ECE1: variants seen among roughly 807,000 people sequenced by gnomAD.
The protein encoded by ECE1 is endothelin converting enzyme 1.
A neutral mutation model predicts 98.6 loss-of-function variants in ECE1; 35 were observed. The ratio of observed to expected loss-of-function variants is 0.35; its 90% CI spans 0.27 to 0.47. The LOEUF (loss-of-function observed/expected upper bound fraction) is 0.47, where lower values mean the gene tolerates loss of function less well. ECE1 is among the 20% of genes least tolerant of loss of function. The pLI, the probability that ECE1 is intolerant of heterozygous loss-of-function variation, is 1.00. For synonymous variants in ECE1, 394 were observed against 407.1 expected, an observed-to-expected ratio of 0.97 and a Z score of 0.39; for missense variants, 814 against 1,025.3, an observed-to-expected ratio of 0.79 and a Z score of 2.81.
Position 21,245,007 on chromosome 1 carries a change from G to C in ECE1, c.1260C>G (p.Val420=). The change falls in exon 10 of 19, where the codon GTC becomes GTG. Residue 420 remains valine, a synonymous_variant. Transcript: ENST00000374893. ...GGCTCACCTTCTTGGTCCCGTACAT[G>C]ACTTCCATGAACTTCTCATCGGCGT... ...FQDADEKFME[V]MYGTKKTCLP... 3 of 1,614,150 alleles carry C rather than the reference G, an allele frequency of 1.9e-6. No homozygotes were observed. Among genetic ancestry groups the C allele is most frequent in the Non-Finnish European group, 2.5e-6 (3 of 1,180,012 alleles).
Position 21,272,919 on chromosome 1 carries a change from G to C in ECE1, c.281-8C>G, listed in dbSNP as rs769924428. On this transcript the variant is annotated splice_polypyrimidine_tract_variant and splice_region_variant and intron_variant, in intron 3 of 18. Coordinates refer to ENST00000374893, the MANE Select transcript of ECE1 (RefSeq NM_001397.3). ...GGCACACAGAGGGGGATCCTGGAAG[G>C]GTTAAGGACAAGAGGCCAGTGAAGG... The C allele has an allele frequency of 1.2e-6, 2 of 1,614,036 alleles. No homozygotes were observed. The highest frequency in any genetic ancestry group is 2.2e-5 in the South Asian group (2 of 91,078).
chr1:21,297,087 G>A (rs1050974191), intron 1 of ECE1, among the ~76,000 whole-genome samples: 3 of 152,224 alleles, frequency 2.0e-5, no homozygotes, highest in South Asian at 2.1e-4. Flanking sequence ...CCACTCTGGC[G>A]TGGCCCCGAG....
intron 3 of ECE1, among the ~76,000 whole-genome samples, chr1:21,273,392 G>A (rs942056269): frequency 3.3e-5 from 5 of 150,776 alleles, no homozygotes. Context: ...TAGGGTACTG[G>A]GGTATTGGGC....
At chr1:21,278,976 A>G (rs938064261) in intron 3 of ECE1, among the ~76,000 whole-genome samples, 1 of 152,176 alleles carries the variant, frequency 6.6e-6, no homozygotes, top group Non-Finnish European at 1.5e-5. Flanking sequence ...AGTTGCTGGG[A>G]CAGGATGTGG....
rs200780599 is a variant in ECE1, at chr1:21,263,360, TA to T, written c.494-2969del. ...ACCTAAGGTTTCCTTTTTTTATATT[TA>T]TTTTTTTTTTTTTTGAGACAGAGTC... On this transcript the variant is annotated intron_variant, in intron 4 of 18. Coordinates refer to ENST00000374893, the MANE Select transcript of ECE1 (RefSeq NM_001397.3). 2.9e-3 allele frequency among the ~76,000 whole-genome samples: 330 copies of T among 113,326 alleles called. 2 individuals carry two copies. The highest frequency in any genetic ancestry group is 9.0e-3 in the African/African-American group (269 of 29,818). The allele number at this position is 113,326 out of a possible 152,430, so 74.3% of individuals were successfully genotyped here.
chr1:21,310,075 G>A (rs566240621), intron 1 of ECE1, among the ~76,000 whole-genome samples: 3 of 152,300 alleles, frequency 2.0e-5, no homozygotes, highest in Non-Finnish European at 2.9e-5. Flanking sequence ...GATTACAGGC[G>A]TGAGCCACTG....
chr1:21,270,320 G>A (rs1261074373), intron 4 of ECE1, among the ~76,000 whole-genome samples: 6 of 152,236 alleles, frequency 3.9e-5, no homozygotes, highest in Admixed American at 2.0e-4. Flanking sequence ...AGTGCACAGC[G>A]CACGGCGGAC....
intron 10 of ECE1, among the ~76,000 whole-genome samples, chr1:21,239,553 G>GA (rs2098193148): frequency 6.6e-6 from 1 of 152,158 alleles, no homozygotes; most frequent in Non-Finnish European, 1.5e-5. Flanking sequence ...AAAAAGGAAT[G>GA]AACTAGCTAC....
chr1:21,338,066 C>A (rs1268451401), intron 1 of ECE1, among the ~76,000 whole-genome samples: 1 of 152,222 alleles, frequency 6.6e-6, no homozygotes, highest in Non-Finnish European at 1.5e-5. Context: ...GCCCCCTCTG[C>A]CCTCCCTCAT....
At chr1:21,275,759 G>A (rs2098245768) in intron 3 of ECE1, among the ~76,000 whole-genome samples, 1 of 152,202 alleles carries the variant, frequency 6.6e-6, no homozygotes, top group African/African-American at 2.4e-5. Context: ...GGCCCAGGAA[G>A]TGCTTCATGC....
At chr1:21,324,637 T>C in intron 1 of ECE1, among the ~76,000 whole-genome samples, 1 of 152,028 alleles carries the variant, frequency 6.6e-6, no homozygotes, top group South Asian at 2.1e-4. Context: ...AAATGACTCA[T>C]TCTCCCCAGA....
At chr1:21,321,360 G>A (rs1638959979) in intron 1 of ECE1, among the ~76,000 whole-genome samples, 1 of 152,346 alleles carries the variant, frequency 6.6e-6, no homozygotes, top group Admixed American at 6.5e-5. Context: ...GGAAATCTCT[G>A]TGTGAATAAC....
At chr1:21,236,673 C>G (rs914877830) in intron 12 of ECE1, 73 bp downstream of exon 12, 4 of 1,431,240 alleles carry the variant, frequency 2.8e-6, no homozygotes, top group Admixed American at 1.7e-5. Context: ...AAAAACCGGC[C>G]TCTCCTTCCC....
At chr1:21,271,637 A>G (rs2098240337) in intron 4 of ECE1, among the ~76,000 whole-genome samples, 1 of 152,076 alleles carries the variant, frequency 6.6e-6, no homozygotes, top group Non-Finnish European at 1.5e-5. Context: ...GGGCAGCTTT[A>G]TGGTACAGCA....
upstream of ECE1, chr1:21,294,035 C>T (rs997659550): frequency 3.9e-5 from 6 of 152,492 alleles, no homozygotes; most frequent in Non-Finnish European, 5.9e-5. This position sits in a 1 kb window ranked among gnomAD's most constrained non-coding sequence, Gnocchi z 4.2. Context: ...AGTCACCTGC[C>T]TGGAGACTGA....
At chr1:21,240,535 C>T (rs994834283) in intron 10 of ECE1, among the ~76,000 whole-genome samples, 2 of 152,220 alleles carry the variant, frequency 1.3e-5, no homozygotes, top group Admixed American at 1.3e-4. Flanking sequence ...TTAATGTACA[C>T]TGCATTTTTA....
Position 21,233,799 on chromosome 1 carries a change from G to T in ECE1, c.1567-138C>A, listed in dbSNP as rs1014864453. ...GGAATGCAGGGCTTGGGGCTGCAGGGTCAGCTCTTCTCTTGGCCTTCACCC... is the reference window on the plus strand; with the variant it reads ...GGAATGCAGGGCTTGGGGCTGCAGGTTCAGCTCTTCTCTTGGCCTTCACCC... On this transcript the variant is annotated intron_variant, in intron 13 of 18. Coordinates refer to ENST00000374893, the MANE Select transcript of ECE1 (RefSeq NM_001397.3). This position sits in a 1 kb window ranked among gnomAD's most constrained non-coding sequence, Gnocchi z 4.0. 6 of 776,436 alleles carry T rather than the reference G, an allele frequency of 7.7e-6. No individual in the cohort carries two copies. Among genetic ancestry groups the T allele is most frequent in the Non-Finnish European group, 1.3e-5 (6 of 462,164 alleles). 48.1% of individuals were successfully genotyped at this position (776,436 alleles called of 1,614,324 possible).
At chr1:21,243,689 C>T (rs1192882168) in intron 10 of ECE1, among the ~76,000 whole-genome samples, 2 of 152,370 alleles carry the variant, frequency 1.3e-5, no homozygotes, top group African/African-American at 2.4e-5. Context: ...TAGGAAGTCC[C>T]CTGGGAGGCC....
At chr1:21,222,062 CCTT>C in intron 17 of ECE1, 1 of 584,058 alleles carries the variant, frequency 1.7e-6, no homozygotes, top group Non-Finnish European at 3.1e-6. Context: ...CACATTTACA[CCTT>C]CTGCTCCAGC....
Sources: gnomAD v4.1 joint callset for allele counts (sites outside exome capture counted in the v4.1 genomes callset) on GRCh38, gnomAD v4.1.1 for gene constraint, Gnocchi (gnomAD v3.1) non-coding constraint, MANE v1.5 for transcripts, NCBI Gene and HGNC (gene_info 2026-07-23, HGNC 2026-07-21) for gene names.